Variants in XKR9 observed in about 807,000 individuals in gnomAD.
The protein encoded by XKR9 is XK related 9.
XKR9 carries 32 observed loss-of-function variants against 32.0 expected under a neutral mutation model. That is an observed-to-expected ratio of 1.00 (90% CI 0.76 to 1.34). The LOEUF (loss-of-function observed/expected upper bound fraction) is 1.34. XKR9 is among the 40% of genes most tolerant of loss of function. The pLI is 0.00. For synonymous variants in XKR9, 168 were observed against 143.4 expected, an observed-to-expected ratio of 1.17 and a Z score of -1.22; for missense variants, 546 against 429.7, an observed-to-expected ratio of 1.27 and a Z score of -2.39.
chr8:70,885,660 G>A, the XKR9 span, among the ~76,000 whole-genome samples: 1 of 151,796 alleles, frequency 6.6e-6, no homozygotes, highest in Non-Finnish European at 1.5e-5. Context: ...GCAGTGGCGC[G>A]ATCTCAGCTC....
At chr8:70,693,700 T>C (rs745761146) in intron 3 of XKR9, among the ~76,000 whole-genome samples, 3 of 152,166 alleles carry the variant, frequency 2.0e-5, no homozygotes, top group Non-Finnish European at 4.4e-5. Context: ...GACGGAAGGT[T>C]TGTGCTGTGG....
the XKR9 span, among the ~76,000 whole-genome samples, chr8:70,860,062 C>G: frequency 1.3e-5 from 2 of 152,074 alleles, no homozygotes; most frequent in Non-Finnish European, 2.9e-5. Context: ...TTGATCGTTA[C>G]ACATTCTATA....
the XKR9 span, among the ~76,000 whole-genome samples, chr8:70,950,724 G>A: frequency 1.3e-5 from 2 of 151,650 alleles, no homozygotes; most frequent in African/African-American, 4.8e-5. Context: ...CTCAGTCTGG[G>A]GTGCAGTGGT....
chr8:70,906,472 A>G, the XKR9 span, among the ~76,000 whole-genome samples: 1 of 152,244 alleles, frequency 6.6e-6, no homozygotes, highest in Non-Finnish European at 1.5e-5. Context: ...GCTTCTGTCC[A>G]TGCATGTGTC....
rs997104859 is a variant in XKR9, at chr8:70,692,218, GGTT to G, written c.272+10896_272+10898del. Among the ~76,000 whole-genome samples the G allele has an allele frequency of 2.4e-4, 37 of 152,150 alleles. 1 individual carries two copies. Among genetic ancestry groups the G allele is most frequent in the African/African-American group, 8.7e-4 (36 of 41,522 alleles). On this transcript the variant is annotated intron_variant, in intron 3 of 4. Transcript: ENST00000408926. The stretch of plus-strand genomic sequence containing the variant: ...GCCTTTCTTATTTGGCTCTCAGTTT[GGTT>G]GTTGTTGGTGCACAGGAATGCTAGT...
At chr8:70,987,006 AACC>A in the XKR9 span, among the ~76,000 whole-genome samples, 16 of 152,166 alleles carry the variant, frequency 1.1e-4, no homozygotes, top group Non-Finnish European at 2.2e-4. Flanking sequence ...CCCCTGATAA[AACC>A]ACCAAATCTC....
chr8:70,913,440 A>C, the XKR9 span, among the ~76,000 whole-genome samples: 1 of 152,140 alleles, frequency 6.6e-6, no homozygotes, highest in Non-Finnish European at 1.5e-5. Context: ...TATAACAATA[A>C]ACATATAAAA....
intron 2 of XKR9, among the ~76,000 whole-genome samples, chr8:70,760,731 G>T (rs187226951): frequency 6.6e-6 from 1 of 152,124 alleles, no homozygotes; most frequent in Non-Finnish European, 1.5e-5. Flanking sequence ...TTTAAGTTCA[G>T]GGGTACATGT....
At chr8:71,037,357 G>A in the XKR9 span, among the ~76,000 whole-genome samples, 1 of 152,090 alleles carries the variant, frequency 6.6e-6, no homozygotes, top group Non-Finnish European at 1.5e-5. Context: ...GGAAACTGAA[G>A]TCCAAATAGG....
intron 3 of XKR9, among the ~76,000 whole-genome samples, chr8:70,700,925 A>C (rs548640982): frequency 6.6e-6 from 1 of 152,230 alleles, no homozygotes; most frequent in South Asian, 2.1e-4. Context: ...GCTGCCTTGC[A>C]GTTTGATCTC....
chr8:71,062,926 C>T, the XKR9 span, among the ~76,000 whole-genome samples: 2 of 152,116 alleles, frequency 1.3e-5, no homozygotes, highest in Non-Finnish European at 2.9e-5. Context: ...TCCGGCCCCT[C>T]TGTATTCGAG....
At position 70,669,436 on chromosome 8, in the gene XKR9, C is replaced by T. The variant is rs375527665; in HGVS notation, c.-463C>T. 1.4e-5 allele frequency: 5 copies of T among 346,802 alleles called. No individual in the cohort carries two copies. Among genetic ancestry groups the T allele is most frequent in the South Asian group, 3.2e-5 (1 of 31,662 alleles). The allele number at this position is 346,802 out of a possible 1,614,324, so 21.5% of individuals were successfully genotyped here. On this transcript the variant is annotated 5_prime_UTR_variant, in exon 1 of 5. Coordinates refer to ENST00000408926, the MANE Select transcript of XKR9 (RefSeq NM_001011720.2). ...AGGCGAAGCTGGAATCTGCCTCTGTCACGGGGGCTGGTGCCTCACGGGTTT... is the reference window on the plus strand; with the variant it reads ...AGGCGAAGCTGGAATCTGCCTCTGTTACGGGGGCTGGTGCCTCACGGGTTT...
intron 4 of XKR9, among the ~76,000 whole-genome samples, chr8:70,722,052 T>C (rs1459332459): frequency 2.0e-5 from 3 of 152,212 alleles, no homozygotes; most frequent in African/African-American, 7.2e-5. Flanking sequence ...CAATATGTAA[T>C]GCCCTTCTTT....
At chr8:70,728,860 C>T (rs560752270) in intron 4 of XKR9, among the ~76,000 whole-genome samples, 1 of 152,260 alleles carries the variant, frequency 6.6e-6, no homozygotes, top group South Asian at 2.1e-4. Context: ...CATAAGGAAT[C>T]TCGGATAAGA....
the XKR9 span, among the ~76,000 whole-genome samples, chr8:71,058,112 C>G: frequency 6.6e-6 from 1 of 151,826 alleles, no homozygotes; most frequent in Non-Finnish European, 1.5e-5. Flanking sequence ...ACCCGGGAGG[C>G]GGAGCTTGCA....
chr8:70,727,582 T>C (rs1047494764), intron 4 of XKR9, among the ~76,000 whole-genome samples: 3 of 151,906 alleles, frequency 2.0e-5, no homozygotes, highest in Non-Finnish European at 2.9e-5. Flanking sequence ...TTATTTTTAG[T>C]TGAGATGGGG....
At chr8:71,020,732 C>T in the XKR9 span, among the ~76,000 whole-genome samples, 65,485 of 151,630 alleles carry the variant, frequency 0.43, 15,132 homozygotes, top group Non-Finnish European at 0.52. Context: ...ACCATCACCT[C>T]GGGCATTTAC....
At chr8:70,846,711 CA>C in the XKR9 span, among the ~76,000 whole-genome samples, 4 of 151,816 alleles carry the variant, frequency 2.6e-5, no homozygotes, top group African/African-American at 9.7e-5. Flanking sequence ...AAACAGAAAC[CA>C]AAAGTAGCAG....
the XKR9 span, among the ~76,000 whole-genome samples, chr8:70,902,857 G>A: frequency 3.2e-3 from 494 of 152,144 alleles, 2 homozygotes; most frequent in Non-Finnish European, 5.1e-3. Flanking sequence ...GAATTTTGTT[G>A]AAGGCCTTTT....
Sources: allele counts gnomAD v4.1 joint callset (sites outside exome capture counted in the v4.1 genomes callset), GRCh38; gene constraint gnomAD v4.1.1; transcripts MANE v1.5; gene names NCBI Gene and HGNC (gene_info 2026-07-23, HGNC 2026-07-21).